The following SWT1 variants were observed in gnomAD, a reference collection of about 807,000 sequenced individuals.
SWT1 encodes transcriptional protein SWT1.
Under a neutral mutation model 107.3 loss-of-function variants are expected in SWT1, and 33 were observed. That is an observed-to-expected ratio of 0.31 (90% CI 0.23 to 0.41). The LOEUF is 0.41. Ranked by LOEUF, SWT1 falls within the 10% of genes least tolerant of loss-of-function variation. The probability of loss-of-function intolerance (pLI) is 1.00; values close to 1 mark genes in which losing one functional copy is unlikely to be tolerated. For missense variants in SWT1, 898 were observed against 1,028.9 expected, an observed-to-expected ratio of 0.87 and a Z score of 1.74; for synonymous variants, 345 against 348.3, an observed-to-expected ratio of 0.99 and a Z score of 0.11.
chr1:185,191,676 G>GAA (rs1173347798), intron 10 of SWT1, among the ~76,000 whole-genome samples: 2 of 151,974 alleles, frequency 1.3e-5, no homozygotes, highest in Non-Finnish European at 2.9e-5. Flanking sequence ...ATATTACTTT[G>GAA]GAGTTTGTTG....
rs546688868 is a variant in SWT1, at chr1:185,287,951, A to G, written c.2574-2723A>G. ...TCATTTCTTAATTACAAGGGGTGAG[A>G]GGAAGAAAAACATAAGACACAGAAA... On this transcript the variant is annotated intron_variant, in intron 18 of 18. Transcript: ENST00000367500. Among the ~76,000 whole-genome samples, 7 of 152,332 alleles carry G rather than the reference A, an allele frequency of 4.6e-5. No homozygotes were observed. The South Asian group carries it at 1.5e-3, about 32-fold the overall frequency.
At chr1:185,171,889 T>C (rs1655100968) in intron 4 of SWT1, among the ~76,000 whole-genome samples, 1 of 152,080 alleles carries the variant, frequency 6.6e-6, no homozygotes, top group Admixed American at 6.6e-5. Flanking sequence ...TCAGCCTGGG[T>C]GATAGATTGA....
At chr1:185,257,621 G>A (rs1051918908) in intron 16 of SWT1, among the ~76,000 whole-genome samples, 1 of 152,224 alleles carries the variant, frequency 6.6e-6, no homozygotes, top group Non-Finnish European at 1.5e-5. Context: ...GTGAGGCAAT[G>A]CCTCGCCCTG....
chr1:185,274,766 C>T (rs564619441), intron 17 of SWT1, among the ~76,000 whole-genome samples: 18 of 152,190 alleles, frequency 1.2e-4, no homozygotes, highest in Non-Finnish European at 2.1e-4. Context: ...TTTTTTTCCC[C>T]TGGAAATTAA....
intron 18 of SWT1, among the ~76,000 whole-genome samples, chr1:185,278,864 G>C (rs567739645): frequency 6.6e-6 from 1 of 152,300 alleles, no homozygotes; most frequent in South Asian, 2.1e-4. Flanking sequence ...CTGTGTACCT[G>C]TGTGGCTACA....
intron 16 of SWT1, among the ~76,000 whole-genome samples, chr1:185,252,040 C>T (rs1052344760): frequency 1.9e-4 from 29 of 151,530 alleles, no homozygotes; most frequent in Non-Finnish European, 3.2e-4. Context: ...TGAGAATATG[C>T]GGTGTTTGGT....
At chr1:185,257,487 G>A (rs1387903163) in intron 16 of SWT1, among the ~76,000 whole-genome samples, 10 of 152,134 alleles carry the variant, frequency 6.6e-5, no homozygotes, top group African/African-American at 1.4e-4. Flanking sequence ...CTCGTGGTGC[G>A]CCGTTTTTTA....
chr1:185,256,140 C>T (rs1265680603), intron 16 of SWT1, among the ~76,000 whole-genome samples: 16 of 150,998 alleles, frequency 1.1e-4, no homozygotes, highest in East Asian at 4.0e-4. Context: ...GGGTTTCTGC[C>T]GAGAGATCCG....
chr1:185,180,687 C>T (rs1655948163), intron 6 of SWT1, among the ~76,000 whole-genome samples: 1 of 152,136 alleles, frequency 6.6e-6, no homozygotes, highest in Non-Finnish European at 1.5e-5. Context: ...AGCATGAAAC[C>T]AGTGGCCCAC....
In SWT1 at chr1:185,157,259, G is replaced by T. The variant is rs1653660768; in HGVS notation, c.-65G>T. Reference sequence around the variant, plus strand: ...TGTGTGTGTGTGTTGGGAGGCGGGGGTCCCTCTCCTTTGGCTTGGGGCTCC... The same window carrying T: ...TGTGTGTGTGTGTTGGGAGGCGGGGTTCCCTCTCCTTTGGCTTGGGGCTCC... On this transcript the variant is annotated 5_prime_UTR_variant, in exon 1 of 19. Transcript: ENST00000367500. 1 of 153,144 alleles carries T rather than the reference G, an allele frequency of 6.5e-6. No homozygotes were observed. Among genetic ancestry groups the T allele is most frequent in the African/African-American group, 2.4e-5 (1 of 41,450 alleles). The allele number at this position is 153,144 out of a possible 1,614,324, so 9.5% of individuals were successfully genotyped here. A position where few individuals can be genotyped will look rare whatever the true frequency, so the allele number is the denominator to read the frequency against.
At chr1:185,198,914 A>G (rs750583104) in intron 10 of SWT1, among the ~76,000 whole-genome samples, 1 of 150,528 alleles carries the variant, frequency 6.6e-6, no homozygotes, top group East Asian at 1.9e-4. Flanking sequence ...TGTGTCTTTT[A>G]ATTGGGGCAT....
intron 18 of SWT1, among the ~76,000 whole-genome samples, chr1:185,282,194 A>G (rs1343418405): frequency 6.6e-6 from 1 of 152,188 alleles, no homozygotes; most frequent in Non-Finnish European, 1.5e-5. Flanking sequence ...AAAATTGCTG[A>G]ACAGAGTGCA....
chr1:185,178,614 T>C (rs539509451), intron 5 of SWT1, among the ~76,000 whole-genome samples: 3 of 152,176 alleles, frequency 2.0e-5, no homozygotes, highest in Non-Finnish European at 4.4e-5. Context: ...GAAAATTCAT[T>C]GTAGTCACTG....
intron 18 of SWT1, chr1:185,281,652 GT>G: frequency 4.4e-5 from 8 of 182,382 alleles, no homozygotes; most frequent in South Asian, 2.6e-4. Context: ...TTGCTGATCT[GT>G]TTTTGGTTGC....
intron 16 of SWT1, among the ~76,000 whole-genome samples, chr1:185,244,503 T>C (rs758209252): frequency 6.6e-6 from 1 of 152,096 alleles, no homozygotes; most frequent in Non-Finnish European, 1.5e-5. Flanking sequence ...AAAAAAGGTA[T>C]ACTTGTATAG....
rs867890371 is a variant in SWT1 at position 185,233,842 on chromosome 1, C to T, written c.2441+2134C>T. Among the ~76,000 whole-genome samples, 7 of 152,292 alleles carry T rather than the reference C, an allele frequency of 4.6e-5. No homozygotes were observed. In the Middle Eastern group the frequency reaches 0.01, roughly 222 times the overall value. The stretch of plus-strand genomic sequence containing the variant: ...CACTGCAAGCTCCGCCTCCTGGGTT[C>T]ATGCCATTCTCCTGCCTCAGCCTCC... On this transcript the variant is annotated intron_variant, in intron 16 of 18. Coordinates refer to ENST00000367500, the MANE Select transcript of SWT1 (RefSeq NM_017673.7).
chr1:185,238,928 T>C (rs747166764), intron 16 of SWT1, among the ~76,000 whole-genome samples: 1 of 152,124 alleles, frequency 6.6e-6, no homozygotes, highest in Non-Finnish European at 1.5e-5. Context: ...ATATTGAAAT[T>C]GCATGCAATT....
chr1:185,221,960 C>T lies in SWT1; in HGVS notation c.2233C>T (p.His745Tyr), dbSNP rs781326065. The change falls in exon 15 of 19, where the codon CAT becomes TAT. Residue 745 changes from histidine to tyrosine, a missense_variant. By Grantham distance (83) the His-to-Tyr change is moderately conservative (BLOSUM62 2). This residue lies in a region of SWT1 where 382 missense variants were observed against 460.0 expected (regional missense o/e 0.83). Transcript: ENST00000367500. ...AGAAATCACTGTTTTCTCGAGTTCT[C>T]ATCTTCCCCAACCCAGCAGGCATCA... Reference protein sequence around the residue: ...NQEITVFSSSHLPQPSRHQEI... With the variant: ...NQEITVFSSSYLPQPSRHQEI... 12 of 1,612,946 alleles carry T rather than the reference C, an allele frequency of 7.4e-6. No individual in the cohort carries two copies. The South Asian group carries it at 1.1e-4, about 15-fold the overall frequency.
intron 5 of SWT1, among the ~76,000 whole-genome samples, chr1:185,175,625 T>A (rs920251997): frequency 2.0e-5 from 3 of 152,212 alleles, no homozygotes; most frequent in Non-Finnish European, 4.4e-5. Flanking sequence ...TCTCTTTAAT[T>A]CCAACTTTTT....
Sources: allele counts gnomAD v4.1 joint callset (sites outside exome capture counted in the v4.1 genomes callset), GRCh38; gene constraint gnomAD v4.1.1; regional missense constraint gnomAD v4.1.1; transcripts MANE v1.5; gene names NCBI Gene and HGNC (gene_info 2026-07-23, HGNC 2026-07-21).